The following CFH variants were observed in gnomAD, a reference collection of about 807,000 sequenced individuals.
CFH encodes complement factor H.
CFH carries 53 observed loss-of-function variants against 147.3 expected under a neutral mutation model. The observed-to-expected ratio is 0.36, with a 90% CI of 0.29 to 0.45. CFH has a LOEUF of 0.45. CFH is among the 20% of genes least tolerant of loss of function. The probability of loss-of-function intolerance (pLI) is 1.00; values close to 1 mark genes in which losing one functional copy is unlikely to be tolerated. For synonymous variants in CFH, 536 were observed against 489.4 expected (o/e 1.10, Z -1.26); for missense variants, 1,380 against 1,498.0 (o/e 0.92, Z 1.30).
rs186711438 is a variant in CFH at position 196,737,517 on chromosome 1, C to T, written c.2639C>T (p.Thr880Ile). The part of the protein sequence containing the change: ...CSQPPQIEHG[T>I]INSSRSSQES... ...CAACCACCTCAGATAGAACACGGAA[C>T]CATTAATTCATCCAGGTCTTCACAA... The change falls in exon 17 of 22, where the codon ACC becomes ATC. Residue 880 changes from threonine (T) to isoleucine (I), a missense_variant. By Grantham distance (89) the Thr-to-Ile change is moderately conservative. Around this residue, in one of 4 missense-constraint regions of CFH, gnomAD observed 830 missense variants for 821.4 expected, o/e 1.01. Transcript: ENST00000367429. 15 of 1,613,220 alleles carry T rather than the reference C, an allele frequency of 9.3e-6. No individual in the cohort carries two copies. Among genetic ancestry groups the T allele is most frequent in the Non-Finnish European group, 1.3e-5 (15 of 1,179,484 alleles).
intron 1 of CFH, among the ~76,000 whole-genome samples, chr1:196,671,489 G>C (rs1164837222): frequency 6.6e-6 from 1 of 151,596 alleles, no homozygotes; most frequent in Non-Finnish European, 1.5e-5. Context: ...CTTTTAGTTT[G>C]AGTCAGTCCC....
intron 6 of CFH, among the ~76,000 whole-genome samples, chr1:196,682,981 T>G (rs951472219): frequency 1.2e-5 from 1 of 84,320 alleles, no homozygotes; most frequent in African/African-American, 5.8e-5. Context: ...CTTTATAAAA[T>G]TTTATGTTTG....
intron 18 of CFH, chr1:196,741,591 T>C (rs927119659): frequency 1.8e-5 from 7 of 379,760 alleles, no homozygotes; most frequent in African/African-American, 1.6e-4. Flanking sequence ...AGGTGGCAAG[T>C]ATGGACAAAA....
chr1:196,689,737 A>G, intron 8 of CFH, 123 bp downstream of exon 8: 2 of 1,099,604 alleles, frequency 1.8e-6, no homozygotes, highest in African/African-American at 1.6e-5. Context: ...AGAGTTGTTC[A>G]AGCAAAGTGA....
Position 196,685,152 on chromosome 1 carries a change from G to C in CFH, c.879G>C (p.Gln293His), listed in dbSNP as rs769615121. The C allele has an allele frequency of 3.7e-6, 6 of 1,612,908 alleles. No homozygotes were observed. In the East Asian group the frequency reaches 1.3e-4, roughly 36 times the overall value. Residue 293 changes from glutamine (Q) to histidine (H), a missense_variant, in exon 7 of 22, where the codon CAG becomes CAC. Gln to His is a conservative substitution (Grantham distance 24). Coordinates refer to ENST00000367429, the MANE Select transcript of CFH (RefSeq NM_000186.4). ...GAACTGGAGATGAAATCACGTACCA[G>C]TGTAGAAATGGTTTTTATCCTGCAA... ...KHRTGDEITY[Q>H]CRNGFYPATR... is the part of the protein sequence containing the mutation.
intron 10 of CFH, among the ~76,000 whole-genome samples, chr1:196,715,287 C>G (rs975858242): frequency 6.6e-6 from 1 of 151,692 alleles, no homozygotes; most frequent in Non-Finnish European, 1.5e-5. Context: ...ATAATGTATA[C>G]CTGTAATGGC....
chr1:196,719,904 TATTA>T (rs1668958986), intron 11 of CFH, among the ~76,000 whole-genome samples: 1 of 151,692 alleles, frequency 6.6e-6, no homozygotes, highest in African/African-American at 2.4e-5. Context: ...ATTTGTAATA[TATTA>T]ATTATGTGTT....
Position 196,673,957 on chromosome 1 carries a change from T to C in CFH, c.345T>C (p.Asn115=), listed in dbSNP as rs745837672. 1.2e-6 allele frequency: 2 copies of C among 1,600,386 alleles called. No homozygotes were observed. Among genetic ancestry groups the C allele is most frequent in the South Asian group, 2.2e-5 (2 of 90,800 alleles). Residue 115 remains asparagine (N), a synonymous_variant, in exon 3 of 22, where the codon AAT becomes AAC. Coordinates refer to ENST00000367429, the MANE Select transcript of CFH (RefSeq NM_000186.4). Reference sequence around the variant, plus strand: ...GTGTAAAAGCTGTGTATACATGTAATGAGGGGTATGTAGTCCATACGAAAA... The same window carrying C: ...GTGTAAAAGCTGTGTATACATGTAACGAGGGGTATGTAGTCCATACGAAAA... ...EYGVKAVYTC[N]EGYQLLGEIN...
chr1:196,733,304 T>C (rs1268403375), intron 15 of CFH, among the ~76,000 whole-genome samples: 1 of 152,058 alleles, frequency 6.6e-6, no homozygotes. Flanking sequence ...GAAATGGAAA[T>C]TGAACTTTCT....
In CFH at chr1:196,745,192, A is replaced by G. The variant is rs531083622; in HGVS notation, c.3311-625A>G. Among the ~76,000 whole-genome samples the G allele has an allele frequency of 2.0e-4, 30 of 152,248 alleles. No individual in the cohort carries two copies. The East Asian group carries it at 4.8e-3, about 25-fold the overall frequency. Reference sequence around the variant, plus strand: ...TTGGAGTTCACTCAGCTTCTTAAATATAAGTTTATACCTTATGGTCAAAAT... The same window carrying G: ...TTGGAGTTCACTCAGCTTCTTAAATGTAAGTTTATACCTTATGGTCAAAAT... On this transcript the variant is annotated intron_variant, in intron 20 of 21. Coordinates refer to ENST00000367429, the MANE Select transcript of CFH (RefSeq NM_000186.4).
At chr1:196,704,999 C>CT in intron 9 of CFH, among the ~76,000 whole-genome samples, 1 of 152,338 alleles carries the variant, frequency 6.6e-6, no homozygotes, top group East Asian at 1.9e-4. Context: ...TAGGAAGACT[C>CT]TGACACTAAA....
At chr1:196,652,729 A>G (rs1666544708) in intron 1 of CFH, among the ~76,000 whole-genome samples, 1 of 151,906 alleles carries the variant, frequency 6.6e-6, no homozygotes, top group South Asian at 2.1e-4. Flanking sequence ...CCAATTGAAT[A>G]TACAATATTT....
chr1:196,738,569 A>C (rs2149113935), intron 17 of CFH, among the ~76,000 whole-genome samples: 1 of 152,286 alleles, frequency 6.6e-6, no homozygotes, highest in African/African-American at 2.4e-5. Context: ...GCAGTCATTA[A>C]ACCTTAAATT....
chr1:196,719,764 T>C (rs151155264), intron 11 of CFH, among the ~76,000 whole-genome samples: 64 of 151,774 alleles, frequency 4.2e-4, no homozygotes, highest in African/African-American at 1.5e-3. Context: ...AGAATAATTA[T>C]CAAATTTATT....
intron 9 of CFH, among the ~76,000 whole-genome samples, chr1:196,701,779 A>G (rs569267312): frequency 6.6e-6 from 1 of 152,234 alleles, no homozygotes; most frequent in South Asian, 2.1e-4. Flanking sequence ...TAGTTCTCCC[A>G]AAGTAACCCA....
chr1:196,742,628 T>A (rs1348746526), intron 19 of CFH, among the ~76,000 whole-genome samples: 14 of 152,182 alleles, frequency 9.2e-5, no homozygotes, highest in Non-Finnish European at 1.9e-4. Flanking sequence ...TTGGAGATTG[T>A]TTGAAATGAA....
At chr1:196,655,122 T>A (rs574580342) in intron 1 of CFH, among the ~76,000 whole-genome samples, 1 of 152,316 alleles carries the variant, frequency 6.6e-6, no homozygotes, top group African/African-American at 2.4e-5. Context: ...TAGTTAAATT[T>A]AGTATTATTC....
At chr1:196,665,108 C>G (rs1170238252) in intron 1 of CFH, among the ~76,000 whole-genome samples, 1 of 151,300 alleles carries the variant, frequency 6.6e-6, no homozygotes, top group Non-Finnish European at 1.5e-5. Flanking sequence ...ACGTTAATGC[C>G]TGTTCTTAAG....
At chr1:196,654,517 C>T (rs1264778322) in intron 1 of CFH, among the ~76,000 whole-genome samples, 1 of 152,082 alleles carries the variant, frequency 6.6e-6, no homozygotes, top group Non-Finnish European at 1.5e-5. Flanking sequence ...TTTAAAATAA[C>T]AGTTTCTCAA....
Sources: gnomAD v4.1 joint callset for allele counts (sites outside exome capture counted in the v4.1 genomes callset) on GRCh38, gnomAD v4.1.1 for gene constraint, gnomAD v4.1.1 regional missense constraint, MANE v1.5 for transcripts, NCBI Gene and HGNC (gene_info 2026-07-23, HGNC 2026-07-21) for gene names.